WIPF3: variants seen among roughly 807,000 people sequenced by gnomAD.
The protein encoded by WIPF3 is WAS/WASL-interacting protein family member 3.
WIPF3 carries 33 observed loss-of-function variants against 38.9 expected under a neutral mutation model. That is an observed-to-expected ratio of 0.85 (90% CI 0.64 to 1.14). The LOEUF (loss-of-function observed/expected upper bound fraction) is 1.14, where lower values mean the gene tolerates loss of function less well. Ranked by LOEUF, WIPF3 falls within the 50% of genes most tolerant of loss-of-function variation. WIPF3 has a pLI of 0.00. For missense variants in WIPF3, 711 were observed against 652.5 expected, an observed-to-expected ratio of 1.09 and a Z score of -0.98; for synonymous variants, 324 against 269.3, an observed-to-expected ratio of 1.20 and a Z score of -1.99.
At position 29,914,526 on chromosome 7, in the gene WIPF3, T is replaced by A. The variant is rs1460895120; in HGVS notation, c.*10T>A. ...AAAGACTCTTCGGTGAGAAGACAGATGAAGCGAAGGTCCTGGGGTTCCAGG... is the reference window on the plus strand; with the variant it reads ...AAAGACTCTTCGGTGAGAAGACAGAAGAAGCGAAGGTCCTGGGGTTCCAGG... On this transcript the variant is annotated 3_prime_UTR_variant, in exon 9 of 9. Transcript: ENST00000242140. The A allele has an allele frequency of 2.0e-6, 3 of 1,518,868 alleles. No individual in the cohort carries two copies. The highest frequency in any genetic ancestry group is 2.8e-5 in the African/African-American group (2 of 71,340). The allele number at this position is 1,518,868 out of a possible 1,614,324, so 94.1% of individuals were successfully genotyped here. A position where few individuals can be genotyped will look rare whatever the true frequency, so the allele number is the denominator to read the frequency against.
intron 2 of WIPF3, among the ~76,000 whole-genome samples, chr7:29,863,312 C>T (rs2128070952): frequency 6.6e-6 from 1 of 152,300 alleles, no homozygotes; most frequent in Non-Finnish European, 1.5e-5. Context: ...TAGTAGTCCT[C>T]AGCTTATTAA....
intron 2 of WIPF3, among the ~76,000 whole-genome samples, chr7:29,853,975 G>C (rs368399804): frequency 6.6e-6 from 1 of 152,172 alleles, no homozygotes; most frequent in African/African-American, 2.4e-5. Flanking sequence ...GGGATCTCAC[G>C]AAGTTTAAAC....
chr7:29,837,988 G>A (rs1301232677), intron 2 of WIPF3, among the ~76,000 whole-genome samples: 3 of 152,036 alleles, frequency 2.0e-5, no homozygotes, highest in South Asian at 2.1e-4. Flanking sequence ...GCACTATCTC[G>A]GCTCACTGCA....
At chr7:29,814,940 G>C (rs1196944993) in intron 1 of WIPF3, among the ~76,000 whole-genome samples, 1 of 152,110 alleles carries the variant, frequency 6.6e-6, no homozygotes, top group African/African-American at 2.4e-5. Flanking sequence ...ATTAGAGGAG[G>C]GGACATTTTC....
At chr7:29,837,906 A>G (rs6963479) in intron 2 of WIPF3, among the ~76,000 whole-genome samples, 88,751 of 152,054 alleles carry the variant, frequency 0.58, 26,125 homozygotes, top group Middle Eastern at 0.65. Context: ...TTATTTATTT[A>G]TTTATTTAGT....
intron 2 of WIPF3, among the ~76,000 whole-genome samples, chr7:29,856,931 C>T (rs896289461): frequency 1.3e-5 from 2 of 152,072 alleles, no homozygotes; most frequent in African/African-American, 2.4e-5. Context: ...TCTATTTTTT[C>T]GCAAATCACT....
At chr7:29,898,056 C>G (rs1786190741) in intron 7 of WIPF3, among the ~76,000 whole-genome samples, 1 of 152,182 alleles carries the variant, frequency 6.6e-6, no homozygotes, top group South Asian at 2.1e-4. Flanking sequence ...CCAAGTCCTC[C>G]CAGGCTTTCT....
At chr7:29,859,646 AGAAGTC>A (rs1236837154) in intron 2 of WIPF3, among the ~76,000 whole-genome samples, 2 of 152,130 alleles carry the variant, frequency 1.3e-5, no homozygotes, top group Non-Finnish European at 2.9e-5. Flanking sequence ...CTGAAATTGC[AGAAGTC>A]TTTGGCAGGC....
intron 6 of WIPF3, among the ~76,000 whole-genome samples, chr7:29,888,510 C>CGTGTGTGTGTGT (rs1295673715): frequency 3.1e-3 from 458 of 147,902 alleles, no homozygotes; most frequent in Admixed American, 8.5e-3. Context: ...CGTGTGTGTG[C>CGTGTGTGTGTGT]GTGTGTGTGT....
intron 2 of WIPF3, among the ~76,000 whole-genome samples, chr7:29,845,890 C>T (rs562775742): frequency 3.9e-4 from 59 of 152,226 alleles, no homozygotes; most frequent in Non-Finnish European, 7.8e-4. Flanking sequence ...GGCAAACCCA[C>T]TATGAGCTAA....
chr7:29,860,267 C>T (rs138446895), intron 2 of WIPF3, among the ~76,000 whole-genome samples: 26 of 152,260 alleles, frequency 1.7e-4, no homozygotes, highest in Middle Eastern at 3.4e-3. Context: ...AGTTTGGATA[C>T]TTGTCTCCCC....
At chr7:29,863,384 T>C (rs1785330994) in intron 2 of WIPF3, among the ~76,000 whole-genome samples, 1 of 152,262 alleles carries the variant, frequency 6.6e-6, no homozygotes, top group African/African-American at 2.4e-5. Context: ...TGAATAAGGC[T>C]GATCTAAACA....
intron 7 of WIPF3, among the ~76,000 whole-genome samples, chr7:29,901,456 C>G (rs1178917357): frequency 6.9e-6 from 1 of 144,830 alleles, no homozygotes; most frequent in Non-Finnish European, 1.5e-5. Context: ...ATTGATTCCC[C>G]TTTAACCTCC....
chr7:29,832,756 T>G (rs1007699440), intron 1 of WIPF3, among the ~76,000 whole-genome samples: 1 of 152,206 alleles, frequency 6.6e-6, no homozygotes, highest in Non-Finnish European at 1.5e-5. Context: ...TTTTCAATTT[T>G]TGTACAAATT....
intron 2 of WIPF3, among the ~76,000 whole-genome samples, chr7:29,846,835 G>C (rs984715200): frequency 6.6e-6 from 1 of 152,226 alleles, no homozygotes; most frequent in African/African-American, 2.4e-5. Context: ...GTGCAGCCTG[G>C]TGTATTAAAA....
intron 7 of WIPF3, among the ~76,000 whole-genome samples, chr7:29,896,212 G>C (rs4722954): frequency 0.65 from 98,039 of 151,684 alleles, 32,552 homozygotes; most frequent in East Asian, 0.83. Context: ...GGGAGGCTCA[G>C]GCAGGAGAAT....
chr7:29,829,985 A>G (rs1004365590), intron 1 of WIPF3, among the ~76,000 whole-genome samples: 1 of 152,200 alleles, frequency 6.6e-6, no homozygotes, highest in African/African-American at 2.4e-5. Context: ...GGGTTGAGAG[A>G]ACACAAAGCC....
chr7:29,824,375 G>T (rs2128063393), intron 1 of WIPF3, among the ~76,000 whole-genome samples: 1 of 152,254 alleles, frequency 6.6e-6, no homozygotes, highest in Middle Eastern at 3.4e-3. Context: ...CATAGTAGAA[G>T]TGTGACCAAA....
At chr7:29,853,111 G>A (rs1785130407) in intron 2 of WIPF3, among the ~76,000 whole-genome samples, 1 of 152,126 alleles carries the variant, frequency 6.6e-6, no homozygotes, top group Non-Finnish European at 1.5e-5. Flanking sequence ...TGAAATAGAA[G>A]AGGGAGGAAA....
Sources: allele counts gnomAD v4.1 joint callset (sites outside exome capture counted in the v4.1 genomes callset), GRCh38; gene constraint gnomAD v4.1.1; transcripts MANE v1.5; gene names NCBI Gene and HGNC (gene_info 2026-07-23, HGNC 2026-07-21).